The following ATP4B variants were observed in gnomAD, a reference collection of about 807,000 sequenced individuals.
ATP4B encodes the protein ATPase H+/K+ transporting subunit beta.
Under a neutral mutation model 35.3 loss-of-function variants are expected in ATP4B, and 27 were observed. That is an observed-to-expected ratio of 0.76 (90% CI 0.56 to 1.05). ATP4B has a LOEUF of 1.05. ATP4B is among the 50% of genes least tolerant of loss of function. The pLI, the probability that ATP4B is intolerant of heterozygous loss-of-function variation, is 0.00. For missense variants in ATP4B, 375 were observed against 384.8 expected, an observed-to-expected ratio of 0.97 and a Z score of 0.21; for synonymous variants, 162 against 156.0, an observed-to-expected ratio of 1.04 and a Z score of -0.29.
rs1251523568 is a variant in ATP4B at position 113,656,171 on chromosome 13, G to A, written c.113-1229C>T. Among the ~76,000 whole-genome samples, 11 of 152,282 alleles carry A rather than the reference G, an allele frequency of 7.2e-5. No individual in the cohort carries two copies. The Middle Eastern group carries it at 0.01, about 141-fold the overall frequency. On this transcript the variant is annotated intron_variant, in intron 1 of 6. Transcript: ENST00000335288. ...GGTTTCTGTCCTGTCACTGGATCAC[G>A]CCTGGTGCCTCCCTGGTGCTGGCCC...
In ATP4B at chr13:113,654,862, T is replaced by C. The variant is rs754240924; in HGVS notation, c.193A>G (p.Thr65Ala). 4 of 1,613,852 alleles carry C rather than the reference T, an allele frequency of 2.5e-6. No individual in the cohort carries two copies. In the African/African-American group the frequency reaches 5.3e-5, roughly 22 times the overall value. The change falls in exon 2 of 7, where the codon ACA (threonine) becomes GCA (alanine). Residue 65 changes from threonine (T) to alanine (A), a missense_variant. Transcript: ENST00000335288. ...TAGTCCGGTGTGTACGGGTCCACTG[T>C]CTGCATCAGCACATAGAGGCACAGG... ...FALCLYVLMQTVDPYTPDYQD... is the reference protein window; with the variant it reads ...FALCLYVLMQAVDPYTPDYQD...
At chr13:113,657,371 G>A (rs189836886) in intron 1 of ATP4B, among the ~76,000 whole-genome samples, 30 of 152,344 alleles carry the variant, frequency 2.0e-4, no homozygotes, top group African/African-American at 7.2e-4. Context: ...AAGGGGTGAG[G>A]GCGTTTCCCG....
chr13:113,651,314 T>C (rs2049710195), intron 5 of ATP4B, among the ~76,000 whole-genome samples: 1 of 152,256 alleles, frequency 6.6e-6, no homozygotes, highest in Non-Finnish European at 1.5e-5. Flanking sequence ...TAAACAACTG[T>C]AGCTGCTGGC....
At chr13:113,651,051 C>T (rs1420886681) in intron 5 of ATP4B, among the ~76,000 whole-genome samples, 1 of 118,170 alleles carries the variant, frequency 8.5e-6, no homozygotes, top group African/African-American at 3.2e-5. Context: ...TCCCCGCGGC[C>T]CCCACCGAGA....
rs1409832529 is a variant in ATP4B at position 113,654,905 on chromosome 13, C to T, written c.150G>A (p.Val50=). 2 of 1,614,248 alleles carry T rather than the reference C, an allele frequency of 1.2e-6. No individual in the cohort carries two copies. Among genetic ancestry groups the T allele is most frequent in the Non-Finnish European group, 1.7e-6 (2 of 1,180,034 alleles). ...ISLYYVAFYV[V]MTGLFALCLY... is the part of the protein sequence containing the mutation. ...GGCACAGGGCGAAGAGCCCAGTCAT[C>T]ACCACGTAGAAGGCCACGTAGTACA... The change falls in exon 2 of 7, where the codon GTG becomes GTA. Residue 50 remains valine (V), a synonymous_variant. Coordinates refer to ENST00000335288, the MANE Select transcript of ATP4B (RefSeq NM_000705.4).
chr13:113,657,374 G>A (rs904683579), intron 1 of ATP4B, among the ~76,000 whole-genome samples: 33 of 152,340 alleles, frequency 2.2e-4, no homozygotes, highest in African/African-American at 6.7e-4. Context: ...GGGTGAGGGC[G>A]TTTCCCGGAA....
At chr13:113,655,301 A>C (rs2049745483) in intron 1 of ATP4B, among the ~76,000 whole-genome samples, 2 of 151,668 alleles carry the variant, frequency 1.3e-5, no homozygotes, top group Non-Finnish European at 2.9e-5. Context: ...CTGAGGGGGG[A>C]GTTATGGTTC....
Position 113,650,652 on chromosome 13 carries a change from G to T in ATP4B, c.613-145C>A, listed in dbSNP as rs559637807. 7 of 601,484 alleles carry T rather than the reference G, an allele frequency of 1.2e-5. No individual in the cohort carries two copies. In the South Asian group the frequency reaches 1.4e-4, roughly 12 times the overall value. The allele number at this position is 601,484 out of a possible 1,614,324, so 37.3% of individuals were successfully genotyped here. A position where few individuals can be genotyped will look rare whatever the true frequency, so the allele number is the denominator to read the frequency against. ...ATTGCATACTTAGCATAAATCAGAT[G>T]CAATCTTTCTAATCAGTGCTGAGAT... On this transcript the variant is annotated intron_variant, in intron 5 of 6. Transcript: ENST00000335288. This position sits in a 1 kb window ranked among gnomAD's most constrained non-coding sequence, Gnocchi z 5.0.
Position 113,649,549 on chromosome 13 carries a change from G to T in ATP4B, c.715-14C>A. 6.7e-7 allele frequency: 1 copy of T among 1,497,422 alleles called. No individual in the cohort carries two copies. The highest frequency in any genetic ancestry group is 8.9e-7 in the Non-Finnish European group (1 of 1,118,894). The allele number at this position is 1,497,422 out of a possible 1,614,324, so 92.8% of individuals were successfully genotyped here. A position where few individuals can be genotyped will look rare whatever the true frequency, so the allele number is the denominator to read the frequency against. On this transcript the variant is annotated splice_polypyrimidine_tract_variant and intron_variant, in intron 6 of 6. Transcript: ENST00000335288. The surrounding 1 kb of genome is among the most constrained non-coding windows in gnomAD (Gnocchi z 4.7). ...GCTGTAGTGGGGCTGAAGTGGGAGT[G>T]AGGAAAGGACAGGTGTTTCAAAAAT...
At chr13:113,654,485 A>G (rs1431494073) in intron 2 of ATP4B, among the ~76,000 whole-genome samples, 1 of 152,244 alleles carries the variant, frequency 6.6e-6, no homozygotes, top group African/African-American at 2.4e-5. Flanking sequence ...AAGTAAGTGG[A>G]TGGAAAAACT....
Position 113,652,865 on chromosome 13 carries a change from G to T in ATP4B, c.555+8C>A, listed in dbSNP as rs767713017. The T allele has an allele frequency of 1.9e-5, 31 of 1,613,798 alleles. No individual in the cohort carries two copies. The highest frequency in any genetic ancestry group is 2.5e-5 in the Non-Finnish European group (30 of 1,179,840). ...TAGTGGCGTGTGAAGGAGACCCTCA[G>T]TACTCACCCTGTTCATTTTAATAAT... On this transcript the variant is annotated splice_region_variant and intron_variant, in intron 4 of 6. Coordinates refer to ENST00000335288, the MANE Select transcript of ATP4B (RefSeq NM_000705.4).
chr13:113,655,658 C>T (rs1210002891), intron 1 of ATP4B, among the ~76,000 whole-genome samples: 7 of 152,144 alleles, frequency 4.6e-5, no homozygotes, highest in South Asian at 2.1e-4. Flanking sequence ...TTGTGTGGAT[C>T]GCAGGAGGCA....
intron 2 of ATP4B, among the ~76,000 whole-genome samples, chr13:113,654,231 G>C (rs979305002): frequency 1.3e-5 from 2 of 152,198 alleles, no homozygotes; most frequent in South Asian, 4.1e-4. Context: ...TCTATACGTG[G>C]TTTAAAATAA....
chr13:113,653,361 G>A lies in ATP4B; in HGVS notation c.315C>T (p.Thr105=), dbSNP rs1030218628. Residue 105 remains threonine, a synonymous_variant, in exon 3 of 7, where the codon ACC becomes ACT. Coordinates refer to ENST00000335288, the MANE Select transcript of ATP4B (RefSeq NM_000705.4). ...GGAGAGTCTGTGTGAGGTCTGCCCAGGTTCTGTTATCAGAGACGTTGTAGA... is the reference window on the plus strand; with the variant it reads ...GGAGAGTCTGTGTGAGGTCTGCCCAAGTTCTGTTATCAGAGACGTTGTAGA... ...EIVYNVSDNR[T]WADLTQTLHA... is the part of the protein sequence containing the mutation. 1.9e-6 allele frequency: 3 copies of A among 1,614,040 alleles called. No homozygotes were observed. The highest frequency in any genetic ancestry group is 2.5e-6 in the Non-Finnish European group (3 of 1,180,036).
intron 2 of ATP4B, 146 bp downstream of exon 2, chr13:113,654,668 G>A (rs2049739377): frequency 6.2e-6 from 8 of 1,288,052 alleles, no homozygotes; most frequent in Non-Finnish European, 8.3e-6. Context: ...CACCTGCTGG[G>A]GTGTGTGGCT....
At chr13:113,651,641 C>A in intron 5 of ATP4B, 30 bp downstream of exon 5, 2 of 1,572,686 alleles carry the variant, frequency 1.3e-6, no homozygotes, top group Non-Finnish European at 1.7e-6. Flanking sequence ...TTTCCTGGGG[C>A]AGCCCTGCCC....
chr13:113,650,607 G>A lies in ATP4B; in HGVS notation c.613-100C>T. ...CGTGTGTGCACACACGCGCTGTGTA[G>A]GTGCTTGCATAAACACTTTATTGCA... On this transcript the variant is annotated intron_variant, in intron 5 of 6. Transcript: ENST00000335288. The surrounding 1 kb of genome is among the most constrained non-coding windows in gnomAD (Gnocchi z 5.0). 1 of 842,542 alleles carries A rather than the reference G, an allele frequency of 1.2e-6. No individual in the cohort carries two copies. Among genetic ancestry groups the A allele is most frequent in the Non-Finnish European group, 1.9e-6 (1 of 535,520 alleles). The allele number at this position is 842,542 out of a possible 1,614,324, so 52.2% of individuals were successfully genotyped here.
Position 113,654,804 on chromosome 13 carries a change from G to T in ATP4B, c.241+10C>A, listed in dbSNP as rs113425060. The T allele has an allele frequency of 6.2e-7, 1 of 1,612,674 alleles. No homozygotes were observed. Among genetic ancestry groups the T allele is most frequent in the African/African-American group, 1.3e-5 (1 of 74,896 alleles). On this transcript the variant is annotated intron_variant, in intron 2 of 6. Coordinates refer to ENST00000335288, the MANE Select transcript of ATP4B (RefSeq NM_000705.4). Reference sequence around the variant, plus strand: ...TCACACGGCATGGGGGCAACATCCCGGGCGCTTACCTGGTGACCGTAGCTG... The same window carrying T: ...TCACACGGCATGGGGGCAACATCCCTGGCGCTTACCTGGTGACCGTAGCTG...
chr13:113,654,621 T>TA (rs893815082), intron 2 of ATP4B, among the ~76,000 whole-genome samples, 193 bp downstream of exon 2: 2 of 152,258 alleles, frequency 1.3e-5, no homozygotes, highest in African/African-American at 4.8e-5. Flanking sequence ...GTGCTGCTCT[T>TA]AAAGCCGGTT....
Sources: gnomAD v4.1 joint callset for allele counts (sites outside exome capture counted in the v4.1 genomes callset) on GRCh38, gnomAD v4.1.1 for gene constraint, Gnocchi (gnomAD v3.1) non-coding constraint, MANE v1.5 for transcripts, NCBI Gene and HGNC (gene_info 2026-07-23, HGNC 2026-07-21) for gene names.